The following NELL1 variants were observed in gnomAD, a reference collection of about 807,000 sequenced individuals.
NELL1 encodes the protein neural EGFL like 1.
NELL1 carries 76 observed loss-of-function variants against 107.4 expected under a neutral mutation model. The observed-to-expected ratio is 0.71, with a 90% CI of 0.59 to 0.86. NELL1 has a LOEUF of 0.86. Among genes scored for constraint, NELL1 ranks in the 40% least tolerant of loss-of-function variants. The probability of loss-of-function intolerance (pLI) is 0.00; values close to 1 mark genes in which losing one functional copy is unlikely to be tolerated. For missense variants in NELL1, 1,024 were observed against 1,005.5 expected, an observed-to-expected ratio of 1.02 and a Z score of -0.25; for synonymous variants, 353 against 341.2, an observed-to-expected ratio of 1.03 and a Z score of -0.38.
At chr11:20,772,042 A>T (rs1374230909) in intron 2 of NELL1, among the ~76,000 whole-genome samples, 1 of 152,234 alleles carries the variant, frequency 6.6e-6, no homozygotes, top group African/African-American at 2.4e-5. Flanking sequence ...GTTGAACATG[A>T]TGCCCTACTG....
chr11:21,558,884 G>A (rs1856784871), intron 16 of NELL1, among the ~76,000 whole-genome samples: 1 of 152,026 alleles, frequency 6.6e-6, no homozygotes, highest in South Asian at 2.1e-4. Context: ...GAGGCTATAT[G>A]AAAGGAGCAC....
In NELL1 at chr11:20,680,338, A is replaced by G. The variant is rs114518660; in HGVS notation, c.184+2278A>G. Reference sequence around the variant, plus strand: ...CAAAATACATTCACCCCATCGCAGTATCTCAAAAAGTCTTAATCCATCATA... The same window carrying G: ...CAAAATACATTCACCCCATCGCAGTGTCTCAAAAAGTCTTAATCCATCATA... On this transcript the variant is annotated intron_variant, in intron 2 of 19. Coordinates refer to ENST00000357134, the MANE Select transcript of NELL1 (RefSeq NM_006157.5). Among the ~76,000 whole-genome samples the G allele has an allele frequency of 7.1e-3, 1,087 of 152,210 alleles. 8 individuals are homozygous for G. The highest frequency in any genetic ancestry group is 0.025 in the African/African-American group (1,038 of 41,534).
At chr11:20,689,856 G>A (rs900779798) in intron 2 of NELL1, among the ~76,000 whole-genome samples, 11 of 151,208 alleles carry the variant, frequency 7.3e-5, no homozygotes, top group Non-Finnish European at 1.3e-4. Context: ...CTGAGGAATC[G>A]CCACACTGAC....
intron 16 of NELL1, among the ~76,000 whole-genome samples, chr11:21,556,378 C>T (rs1856708178): frequency 1.3e-5 from 2 of 151,988 alleles, no homozygotes; most frequent in African/African-American, 4.8e-5. Context: ...TGACCTGTTA[C>T]CAAACTGTTG....
At chr11:20,969,186 A>T (rs1021247039) in intron 12 of NELL1, among the ~76,000 whole-genome samples, 2 of 152,054 alleles carry the variant, frequency 1.3e-5, no homozygotes, top group African/African-American at 2.4e-5. Context: ...CTGTTGTATC[A>T]TCTCCAGGCT....
intron 4 of NELL1, among the ~76,000 whole-genome samples, chr11:20,857,908 C>T (rs1317745937): frequency 6.6e-6 from 1 of 152,172 alleles, no homozygotes; most frequent in Non-Finnish European, 1.5e-5. Flanking sequence ...TGGGTCGCAA[C>T]TATGGAAGGG....
chr11:21,042,846 C>T (rs1015090991), intron 12 of NELL1, among the ~76,000 whole-genome samples: 5 of 152,082 alleles, frequency 3.3e-5, no homozygotes, highest in African/African-American at 1.2e-4. Flanking sequence ...GGCTTATTAC[C>T]ATGGCAGTAG....
At chr11:21,312,120 GT>G (rs1849762925) in intron 14 of NELL1, among the ~76,000 whole-genome samples, 1 of 152,092 alleles carries the variant, frequency 6.6e-6, no homozygotes, top group Non-Finnish European at 1.5e-5. Flanking sequence ...AATTTTTATT[GT>G]TTGTAAGTTA....
chr11:21,040,839 A>G (rs924686039), intron 12 of NELL1, among the ~76,000 whole-genome samples: 1 of 152,200 alleles, frequency 6.6e-6, no homozygotes, highest in Non-Finnish European at 1.5e-5. Context: ...TGTTTGTAGC[A>G]TGAATCATAA....
chr11:20,847,527 G>A (rs1033403983), intron 3 of NELL1, 56 bp from the exon 4 acceptor site: 67 of 1,548,022 alleles, frequency 4.3e-5, no homozygotes, highest in African/African-American at 1.4e-5. Flanking sequence ...AGGGATTGAT[G>A]ATGGCTGTGA....
chr11:21,012,678 G>A (rs745782869), intron 12 of NELL1, among the ~76,000 whole-genome samples: 4 of 152,116 alleles, frequency 2.6e-5, no homozygotes, highest in Non-Finnish European at 4.4e-5. Flanking sequence ...AGTCTGGTGG[G>A]CAGAGAGGTT....
chr11:20,692,945 A>G (rs1854509830), intron 2 of NELL1, among the ~76,000 whole-genome samples: 1 of 152,074 alleles, frequency 6.6e-6, no homozygotes, highest in Non-Finnish European at 1.5e-5. Context: ...GTCATTCAGG[A>G]CTTGCTTTAT....
At chr11:21,119,752 G>A (rs1249473775) in intron 13 of NELL1, among the ~76,000 whole-genome samples, 3 of 152,054 alleles carry the variant, frequency 2.0e-5, no homozygotes, top group South Asian at 4.1e-4. Context: ...GTGTTACAGG[G>A]AGGAGGGGTT....
rs181996508 is a variant in NELL1, at chr11:20,702,678, C to T, written c.184+24618C>T. On this transcript the variant is annotated intron_variant, in intron 2 of 19. Transcript: ENST00000357134. ...AAAAAGCTCTTATTATTTTGAGATA[C>T]GTCCCATCAATACCTAATTTATTGA... 5.9e-3 allele frequency among the ~76,000 whole-genome samples: 893 copies of T among 152,172 alleles called. 2 individuals are homozygous for T. The highest frequency in any genetic ancestry group is 0.02 in the African/African-American group (838 of 41,512).
intron 14 of NELL1, chr11:21,284,234 A>T (rs1177516887): frequency 8.8e-6 from 4 of 456,688 alleles, no homozygotes; most frequent in Non-Finnish European, 1.8e-5. Context: ...TCATTTAAAA[A>T]ATTTGCCAAA....
chr11:20,797,292 C>T (rs945758258), intron 3 of NELL1, among the ~76,000 whole-genome samples: 7 of 151,316 alleles, frequency 4.6e-5, no homozygotes, highest in African/African-American at 7.3e-5. Flanking sequence ...TGGCCGGGCG[C>T]GGTGGCTCGC....
rs561217498 is a variant in NELL1 at position 21,329,547 on chromosome 11, AT to A, written c.1550-41304del. On this transcript the variant is annotated intron_variant, in intron 14 of 19. Coordinates refer to ENST00000357134, the MANE Select transcript of NELL1 (RefSeq NM_006157.5). ...TATTCATCATCTCATATAGTTAAAT[AT>A]TGTAATAGCAACTAGAATCTACTCA... Among the ~76,000 whole-genome samples, 497 of 152,292 alleles carry A rather than the reference AT, an allele frequency of 3.3e-3. 5 individuals carry two copies. The highest frequency in any genetic ancestry group is 0.011 in the African/African-American group (451 of 41,568).
chr11:21,146,957 T>C (rs1317071486), intron 13 of NELL1, among the ~76,000 whole-genome samples: 1 of 152,130 alleles, frequency 6.6e-6, no homozygotes, highest in Non-Finnish European at 1.5e-5. Flanking sequence ...GACAGGAGAA[T>C]TGCTTGAACC....
At chr11:20,935,959 G>A (rs529223897) in intron 9 of NELL1, among the ~76,000 whole-genome samples, 9 of 152,202 alleles carry the variant, frequency 5.9e-5, no homozygotes, top group African/African-American at 1.7e-4. Flanking sequence ...TACAGGAGTG[G>A]AACATATTTG....
Sources: gnomAD v4.1 joint callset for allele counts (sites outside exome capture counted in the v4.1 genomes callset) on GRCh38, gnomAD v4.1.1 for gene constraint, MANE v1.5 for transcripts, NCBI Gene and HGNC (gene_info 2026-07-23, HGNC 2026-07-21) for gene names.